PCDH9: variants seen among roughly 807,000 people sequenced by gnomAD.
PCDH9 encodes protocadherin-9.
Under a neutral mutation model 70.6 loss-of-function variants are expected in PCDH9, and 24 were observed. That is an observed-to-expected ratio of 0.34 (90% CI 0.25 to 0.48). PCDH9 has a LOEUF of 0.48. Ranked by LOEUF, PCDH9 falls within the 20% of genes least tolerant of loss-of-function variation. The probability of loss-of-function intolerance (pLI) is 0.99; values close to 1 mark genes in which losing one functional copy is unlikely to be tolerated. For missense variants in PCDH9, 1,281 were observed against 1,503.6 expected (o/e 0.85, Z 2.45); for synonymous variants, 562 against 558.5 (o/e 1.01, Z -0.09).
At chr13:66,635,214 C>G (rs2077621741) in intron 3 of PCDH9, among the ~76,000 whole-genome samples, 1 of 152,098 alleles carries the variant, frequency 6.6e-6, no homozygotes, top group African/African-American at 2.4e-5. Flanking sequence ...CTATTTCTTA[C>G]CCATTCCATT....
At chr13:66,739,859 C>A (rs1337204395) in intron 3 of PCDH9, among the ~76,000 whole-genome samples, 2 of 131,972 alleles carry the variant, frequency 1.5e-5, no homozygotes, top group South Asian at 5.9e-4. Context: ...GAGTGACCTA[C>A]AAAGAGACTT....
chr13:66,519,135 G>C (rs183563391), intron 4 of PCDH9, among the ~76,000 whole-genome samples: 122 of 152,130 alleles, frequency 8.0e-4, no homozygotes, highest in African/African-American at 2.8e-3. Context: ...TATAAAGTTG[G>C]GCTGGTTATC....
intron 2 of PCDH9, among the ~76,000 whole-genome samples, chr13:67,000,459 T>C (rs776171607): frequency 6.7e-6 from 1 of 149,866 alleles, no homozygotes; most frequent in Non-Finnish European, 1.5e-5. Flanking sequence ...TGTGCACATG[T>C]ACCCTAAAAC....
intron 3 of PCDH9, among the ~76,000 whole-genome samples, chr13:66,750,901 A>G (rs1317194535): frequency 6.6e-6 from 1 of 152,164 alleles, no homozygotes; most frequent in East Asian, 1.9e-4. Flanking sequence ...TGTTTTACTT[A>G]TAAGTCTAGT....
chr13:66,613,485 G>T (rs57017301), intron 4 of PCDH9, among the ~76,000 whole-genome samples: 8,847 of 152,268 alleles, frequency 0.058, 461 homozygotes, highest in African/African-American at 0.14. Context: ...TGTGAGAAAG[G>T]ATTTGTGGGG....
intron 3 of PCDH9, among the ~76,000 whole-genome samples, chr13:66,719,015 T>G (rs1382957796): frequency 1.3e-5 from 2 of 152,226 alleles, no homozygotes; most frequent in African/African-American, 4.8e-5. Context: ...GCACAAGTTT[T>G]GTTTTTATCT....
chr13:67,040,195 C>T (rs1594428071), intron 2 of PCDH9, among the ~76,000 whole-genome samples: 4 of 152,046 alleles, frequency 2.6e-5, no homozygotes, highest in Admixed American at 2.0e-4. Flanking sequence ...GTTTATGTCC[C>T]CCCAGACGTT....
At position 66,308,843 on chromosome 13, in the gene PCDH9, GA is replaced by G. The variant is rs547278336; in HGVS notation, c.3341-3816del. On this transcript the variant is annotated intron_variant, in intron 4 of 4. Transcript: ENST00000377865. ...TATGGATTTAGCTGCTCAAGAAGGG[GA>G]AACTGACCAGTCTCTAGACCGGGGC... Among the ~76,000 whole-genome samples, 13 of 152,002 alleles carry G rather than the reference GA, an allele frequency of 8.6e-5. No individual in the cohort carries two copies. The South Asian group carries it at 2.7e-3, about 31-fold the overall frequency.
intron 4 of PCDH9, among the ~76,000 whole-genome samples, chr13:66,609,191 T>C (rs1175438826): frequency 1.3e-5 from 2 of 152,194 alleles, no homozygotes; most frequent in African/African-American, 4.8e-5. Context: ...TTTCTCCTAA[T>C]GACCAGGAAT....
intron 2 of PCDH9, among the ~76,000 whole-genome samples, chr13:67,052,464 G>A (rs2085340887): frequency 1.3e-5 from 2 of 152,060 alleles, no homozygotes; most frequent in Admixed American, 1.3e-4. Context: ...TAAGGACTTG[G>A]GAGGTTATCT....
intron 4 of PCDH9, among the ~76,000 whole-genome samples, chr13:66,491,821 T>C (rs1222839497): frequency 6.6e-6 from 1 of 152,182 alleles, no homozygotes; most frequent in Non-Finnish European, 1.5e-5. Flanking sequence ...TCCTCTTTCC[T>C]TTAGACATAT....
chr13:66,689,423 G>A (rs1452697587), intron 3 of PCDH9, among the ~76,000 whole-genome samples: 1 of 152,112 alleles, frequency 6.6e-6, no homozygotes, highest in Non-Finnish European at 1.5e-5. Flanking sequence ...CACATCACTA[G>A]GGAAAAAGCG....
intron 3 of PCDH9, among the ~76,000 whole-genome samples, chr13:66,691,403 C>T (rs895318026): frequency 6.6e-6 from 1 of 152,140 alleles, no homozygotes; most frequent in Non-Finnish European, 1.5e-5. Flanking sequence ...TAGCAGAATA[C>T]TGAATTTCTT....
At chr13:67,048,179 T>A (rs950003048) in intron 2 of PCDH9, among the ~76,000 whole-genome samples, 3 of 152,188 alleles carry the variant, frequency 2.0e-5, no homozygotes, top group African/African-American at 7.2e-5. Context: ...TCCAAAGACT[T>A]GCTCTTCTTA....
chr13:66,323,544 A>G (rs532754989), intron 4 of PCDH9: 5 of 152,172 alleles, frequency 3.3e-5, no homozygotes, highest in Admixed American at 3.3e-4. Flanking sequence ...AAGGAATTAA[A>G]GAGTTTTGTT....
chr13:67,148,899 A>T (rs527477971), intron 2 of PCDH9, among the ~76,000 whole-genome samples: 1 of 152,214 alleles, frequency 6.6e-6, no homozygotes. Flanking sequence ...TTTGATTCCT[A>T]TGATGGAAAA....
chr13:67,027,725 A>G (rs1319859599), intron 2 of PCDH9, among the ~76,000 whole-genome samples: 2 of 151,082 alleles, frequency 1.3e-5, no homozygotes, highest in Non-Finnish European at 3.0e-5. Flanking sequence ...TTTACAAGAA[A>G]AAAACAAACA....
chr13:66,877,094 C>T (rs1470085603), intron 3 of PCDH9, among the ~76,000 whole-genome samples: 1 of 151,048 alleles, frequency 6.6e-6, no homozygotes, highest in Non-Finnish European at 1.5e-5. Flanking sequence ...GTCTTTTAAC[C>T]ATCAAAAAAT....
At chr13:66,999,907 T>C (rs1040105200) in intron 2 of PCDH9, among the ~76,000 whole-genome samples, 16 of 152,132 alleles carry the variant, frequency 1.1e-4, no homozygotes, top group African/African-American at 3.4e-4. Flanking sequence ...GTTCAACCAT[T>C]GTGGAAGTCA....
Sources: gnomAD v4.1 joint callset for allele counts (sites outside exome capture counted in the v4.1 genomes callset) on GRCh38, gnomAD v4.1.1 for gene constraint, MANE v1.5 for transcripts, NCBI Gene and HGNC (gene_info 2026-07-23, HGNC 2026-07-21) for gene names.